PTPRD: variants seen among roughly 807,000 people sequenced by gnomAD.
PTPRD encodes protein tyrosine phosphatase receptor type D.
Under a neutral mutation model 214.5 loss-of-function variants are expected in PTPRD, and 34 were observed. That is an observed-to-expected ratio of 0.16 (90% CI 0.12 to 0.21). The LOEUF (loss-of-function observed/expected upper bound fraction) is 0.21. PTPRD is among the 10% of genes least tolerant of loss of function. PTPRD has a pLI of 1.00. For missense variants in PTPRD, 2,545 were observed against 2,398.7 expected (o/e 1.06, Z -1.27); for synonymous variants, 1,128 against 845.7 (o/e 1.33, Z -5.79).
chr9:9,725,531 T>C (rs1291080222), intron 7 of PTPRD, among the ~76,000 whole-genome samples: 1 of 152,120 alleles, frequency 6.6e-6, no homozygotes, highest in African/African-American at 2.4e-5. Flanking sequence ...CATAAGCACT[T>C]TATCTGAGCA....
intron 3 of PTPRD, among the ~76,000 whole-genome samples, chr9:10,300,089 T>G (rs1188120084): frequency 6.6e-6 from 1 of 152,194 alleles, no homozygotes; most frequent in African/African-American, 2.4e-5. Context: ...AATGTTACCA[T>G]TCCATCCTGA....
chr9:9,401,314 A>G (rs969348491), intron 8 of PTPRD, among the ~76,000 whole-genome samples: 3 of 152,056 alleles, frequency 2.0e-5, no homozygotes, highest in Non-Finnish European at 4.4e-5. Flanking sequence ...ATATATATAC[A>G]CAAGTAATCA....
intron 3 of PTPRD, among the ~76,000 whole-genome samples, chr9:10,215,689 T>C (rs1404153807): frequency 6.6e-6 from 1 of 152,042 alleles, no homozygotes; most frequent in Non-Finnish European, 1.5e-5. Context: ...TCAATAAATA[T>C]GTGAGAATGT....
intron 6 of PTPRD, among the ~76,000 whole-genome samples, chr9:9,764,677 T>A (rs1183061307): frequency 3.9e-5 from 6 of 152,190 alleles, no homozygotes; most frequent in Non-Finnish European, 7.3e-5. Context: ...TTGTATCATT[T>A]TAATGCCTCC....
intron 11 of PTPRD, among the ~76,000 whole-genome samples, chr9:9,009,111 C>G (rs1001308722): frequency 6.6e-6 from 1 of 151,302 alleles, no homozygotes; most frequent in Non-Finnish European, 1.5e-5. Context: ...TCTAAAAGTA[C>G]AAATCATTCT....
intron 3 of PTPRD, among the ~76,000 whole-genome samples, chr9:10,293,324 T>A (rs1172605733): frequency 6.6e-6 from 1 of 151,978 alleles, no homozygotes; most frequent in East Asian, 1.9e-4. Context: ...TAGACTAATA[T>A]GCAGTTTTTT....
At chr9:10,250,791 A>T (rs1413071496) in intron 3 of PTPRD, among the ~76,000 whole-genome samples, 2 of 151,896 alleles carry the variant, frequency 1.3e-5, no homozygotes, top group African/African-American at 4.8e-5. Flanking sequence ...TATATATATA[A>T]AATAATATGT....
intron 7 of PTPRD, among the ~76,000 whole-genome samples, chr9:9,665,118 T>A (rs1450884601): frequency 6.6e-6 from 1 of 151,618 alleles, no homozygotes; most frequent in Non-Finnish European, 1.5e-5. Flanking sequence ...TATGTGTGTA[T>A]GTGGGGAGAG....
At chr9:10,439,626 A>G (rs58200853) in intron 2 of PTPRD, among the ~76,000 whole-genome samples, 15,229 of 151,690 alleles carry the variant, frequency 0.1, 1,343 homozygotes, top group African/African-American at 0.23. Flanking sequence ...ATTTTTGTGC[A>G]AACTATAAAG....
chr9:10,090,516 G>C (rs2098416308), intron 3 of PTPRD, among the ~76,000 whole-genome samples: 1 of 150,770 alleles, frequency 6.6e-6, no homozygotes, highest in Admixed American at 6.7e-5. Context: ...CTTTATTTTG[G>C]TTGATTTTAG....
intron 10 of PTPRD, among the ~76,000 whole-genome samples, chr9:9,037,126 G>T (rs550674453): frequency 6.6e-6 from 1 of 152,224 alleles, no homozygotes; most frequent in East Asian, 1.9e-4. Flanking sequence ...CTGGAATCTG[G>T]AATTAAATCT....
At chr9:8,414,918 AGAGAGG>A in intron 35 of PTPRD, among the ~76,000 whole-genome samples, 1 of 76,180 alleles carries the variant, frequency 1.3e-5, no homozygotes, top group Non-Finnish European at 2.4e-5. Context: ...GGAGGGGGAG[AGAGAGG>A]GAGGGGGAGA....
chr9:9,791,662 T>C (rs1372089722), intron 5 of PTPRD, among the ~76,000 whole-genome samples: 2 of 152,168 alleles, frequency 1.3e-5, no homozygotes, highest in Non-Finnish European at 2.9e-5. Context: ...TCCATTTTTG[T>C]TTCTTTGTAA....
intron 3 of PTPRD, among the ~76,000 whole-genome samples, chr9:10,048,279 C>CT (rs397732778): frequency 5.4e-5 from 1 of 18,650 alleles, no homozygotes; most frequent in African/African-American, 2.9e-3. Context: ...ATTCTTACTT[C>CT]GATCTCTGTT....
intron 2 of PTPRD, among the ~76,000 whole-genome samples, chr9:10,543,400 C>T (rs112838350): frequency 3.9e-5 from 6 of 151,968 alleles, no homozygotes; most frequent in African/African-American, 1.2e-4. Flanking sequence ...AAAATTTACT[C>T]ATAGAATTTG....
intron 3 of PTPRD, among the ~76,000 whole-genome samples, chr9:10,132,125 G>A (rs1213909656): frequency 6.6e-6 from 1 of 151,956 alleles, no homozygotes; most frequent in Non-Finnish European, 1.5e-5. Context: ...GTTACTACTG[G>A]TAATGATTAT....
intron 11 of PTPRD, among the ~76,000 whole-genome samples, chr9:8,739,190 G>T (rs1251431497): frequency 6.6e-6 from 1 of 152,166 alleles, no homozygotes; most frequent in East Asian, 1.9e-4. Context: ...AGGCTTCAGG[G>T]GGCACCCCAG....
intron 9 of PTPRD, among the ~76,000 whole-genome samples, chr9:9,244,992 T>G (rs1164703140): frequency 6.6e-6 from 1 of 152,160 alleles, no homozygotes; most frequent in Non-Finnish European, 1.5e-5. Context: ...GAACAGACAC[T>G]TCTCAAAAGA....
intron 2 of PTPRD, among the ~76,000 whole-genome samples, chr9:10,373,950 T>C (rs1330465305): frequency 6.6e-6 from 1 of 152,076 alleles, no homozygotes; most frequent in Non-Finnish European, 1.5e-5. Flanking sequence ...TTCACATCAA[T>C]CACAGGCATA....
Sources: allele counts gnomAD v4.1 joint callset (sites outside exome capture counted in the v4.1 genomes callset), GRCh38; gene constraint gnomAD v4.1.1; transcripts MANE v1.5; gene names NCBI Gene and HGNC (gene_info 2026-07-23, HGNC 2026-07-21).